Variants in ADGRE3 observed in about 807,000 individuals in gnomAD.
The protein encoded by ADGRE3 is EGF-like module receptor 3.
ADGRE3 carries 88 observed loss-of-function variants against 80.1 expected under a neutral mutation model. That is an observed-to-expected ratio of 1.10 (90% CI 0.93 to 1.31). The LOEUF (loss-of-function observed/expected upper bound fraction) is 1.31. Among genes scored for constraint, ADGRE3 ranks in the 40% most tolerant of loss-of-function variants. The pLI is 0.00. For synonymous variants in ADGRE3, 281 were observed against 294.8 expected, an observed-to-expected ratio of 0.95 and a Z score of 0.48; for missense variants, 715 against 776.5, an observed-to-expected ratio of 0.92 and a Z score of 0.94.
intron 8 of ADGRE3, among the ~76,000 whole-genome samples, chr19:14,646,894 C>T (rs1315977392): frequency 6.6e-6 from 1 of 151,898 alleles, no homozygotes; most frequent in African/African-American, 2.4e-5. Flanking sequence ...CCTCAGCCTC[C>T]CGAGTAGCTG....
At chr19:14,664,586 G>A (rs1295452872) in intron 2 of ADGRE3, among the ~76,000 whole-genome samples, 1 of 152,126 alleles carries the variant, frequency 6.6e-6, no homozygotes, top group Admixed American at 6.6e-5. Context: ...GCATGTGCCT[G>A]TAGTCCCAGC....
the ADGRE3 span, among the ~76,000 whole-genome samples, chr19:14,605,411 A>G: frequency 6.6e-6 from 1 of 152,204 alleles, no homozygotes; most frequent in South Asian, 2.1e-4. Flanking sequence ...CCCACATTTT[A>G]AGGAATCTTG....
chr19:14,663,996 C>T (rs1448794404), intron 2 of ADGRE3, among the ~76,000 whole-genome samples: 2 of 152,108 alleles, frequency 1.3e-5, no homozygotes, highest in Non-Finnish European at 2.9e-5. Context: ...GAGGCCTCGC[C>T]TCTGGGCAGG....
intron 7 of ADGRE3, among the ~76,000 whole-genome samples, chr19:14,650,723 T>C (rs1334200733): frequency 6.6e-6 from 1 of 150,402 alleles, no homozygotes; most frequent in Non-Finnish European, 1.5e-5. Flanking sequence ...ACTCTTCAGC[T>C]CTTTAGTTGT....
chr19:14,614,636 G>C (rs1013150380), downstream of ADGRE3, among the ~76,000 whole-genome samples: 3 of 151,868 alleles, frequency 2.0e-5, no homozygotes, highest in African/African-American at 7.3e-5. Flanking sequence ...GAGTGCAGTG[G>C]TGTGATCTCG....
chr19:14,648,931 C>A (rs1021823826), intron 7 of ADGRE3, among the ~76,000 whole-genome samples: 3 of 152,088 alleles, frequency 2.0e-5, no homozygotes, highest in African/African-American at 7.2e-5. Context: ...CTCTTTCTTT[C>A]CTTCTCTCTC....
chr19:14,632,830 G>A, intron 13 of ADGRE3, 91 bp downstream of exon 13: 2 of 804,376 alleles, frequency 2.5e-6, no homozygotes, highest in Non-Finnish European at 4.3e-6. Context: ...CTAGTCCTGG[G>A]AGCATGGCTG....
At chr19:14,659,341 C>T (rs1971872951) in intron 4 of ADGRE3, among the ~76,000 whole-genome samples, 1 of 152,152 alleles carries the variant, frequency 6.6e-6, no homozygotes, top group South Asian at 2.1e-4. Flanking sequence ...CCGTGCCTGG[C>T]CTCCAAATTC....
chr19:14,665,941 T>TATATGCATACAC (rs1261266823), intron 2 of ADGRE3, among the ~76,000 whole-genome samples: 2 of 94,270 alleles, frequency 2.1e-5, no homozygotes, highest in African/African-American at 8.5e-5. Flanking sequence ...TATGTGTATA[T>TATATGCATACAC]ATATATATAT....
chr19:14,628,663 C>T, intron 14 of ADGRE3: 3 of 369,868 alleles, frequency 8.1e-6, no homozygotes, highest in Non-Finnish European at 1.6e-5. Context: ...ATGCCCACTG[C>T]TGTTCCATGG....
At chr19:14,605,359 G>A in the ADGRE3 span, among the ~76,000 whole-genome samples, 1 of 151,988 alleles carries the variant, frequency 6.6e-6, no homozygotes, top group Non-Finnish European at 1.5e-5. Context: ...GCCTCCCAAA[G>A]TGCTGGGATT....
At chr19:14,626,830 G>T (rs1599605077) in intron 14 of ADGRE3, among the ~76,000 whole-genome samples, 1 of 152,280 alleles carries the variant, frequency 6.6e-6, no homozygotes, top group South Asian at 2.1e-4. Context: ...AGGGAGCTGG[G>T]GTATTTATCC....
chr19:14,660,825 C>A (rs1971926738), intron 4 of ADGRE3, among the ~76,000 whole-genome samples: 2 of 151,602 alleles, frequency 1.3e-5, no homozygotes, highest in Non-Finnish European at 2.9e-5. Context: ...CCAATGTATT[C>A]ATTCCCAAAG....
At chr19:14,659,743 C>T (rs575067199) in intron 4 of ADGRE3, among the ~76,000 whole-genome samples, 14 of 142,674 alleles carry the variant, frequency 9.8e-5, no homozygotes, top group African/African-American at 3.7e-4. Flanking sequence ...ATCTCTTGAA[C>T]CTAGGAGGCA....
intron 2 of ADGRE3, among the ~76,000 whole-genome samples, chr19:14,667,590 A>G (rs539770850): frequency 6.6e-6 from 1 of 152,276 alleles, no homozygotes; most frequent in East Asian, 1.9e-4. Context: ...TATCAGAAGG[A>G]CAGAAAACCA....
At chr19:14,604,475 T>C in the ADGRE3 span, among the ~76,000 whole-genome samples, 5 of 152,186 alleles carry the variant, frequency 3.3e-5, no homozygotes, top group Non-Finnish European at 5.9e-5. Flanking sequence ...TTAAGAATGT[T>C]TAAAGTCGGC....
chr19:14,613,772 TC>T, the ADGRE3 span, among the ~76,000 whole-genome samples: 1 of 151,688 alleles, frequency 6.6e-6, no homozygotes, highest in Admixed American at 6.6e-5. Context: ...TGCAACCTCC[TC>T]CTCCTGGGTA....
rs370818418 is a variant in ADGRE3 at position 14,643,999 on chromosome 19, C to G, written c.1050+109G>C. 3 of 691,072 alleles carry G rather than the reference C, an allele frequency of 4.3e-6. No individual in the cohort carries two copies. In the African/African-American group the frequency reaches 5.7e-5, roughly 13 times the overall value. The allele number at this position is 691,072 out of a possible 1,614,324, so 42.8% of individuals were successfully genotyped here. A position where few individuals can be genotyped will look rare whatever the true frequency, so the allele number is the denominator to read the frequency against. ...GTGCTGGGATTAAAGGCATGAGTCA[C>G]CATGCTCGGCCTTTTTTCAGTTTTT... is the stretch of plus-strand genomic sequence containing the variant. On this transcript the variant is annotated intron_variant, in intron 9 of 15. Coordinates refer to ENST00000253673, the MANE Select transcript of ADGRE3 (RefSeq NM_032571.5).
the ADGRE3 span, among the ~76,000 whole-genome samples, chr19:14,601,466 A>T: frequency 6.6e-6 from 1 of 152,210 alleles, no homozygotes; most frequent in South Asian, 2.1e-4. Context: ...AATATGTATC[A>T]TCTGTACTTC....
Sources: allele counts gnomAD v4.1 joint callset (sites outside exome capture counted in the v4.1 genomes callset), GRCh38; gene constraint gnomAD v4.1.1; transcripts MANE v1.5; gene names NCBI Gene and HGNC (gene_info 2026-07-23, HGNC 2026-07-21).